Variants in LDLRAD4 observed in about 807,000 individuals in gnomAD.
The protein encoded by LDLRAD4 is low-density lipoprotein receptor class A domain-containing protein 4.
Under a neutral mutation model 17.0 loss-of-function variants are expected in LDLRAD4, and 5 were observed. The observed-to-expected ratio is 0.29, with a 90% CI of 0.15 to 0.62. LDLRAD4 has a LOEUF of 0.62. Ranked by LOEUF, LDLRAD4 falls within the 20% of genes least tolerant of loss-of-function variation. The pLI, the probability that LDLRAD4 is intolerant of heterozygous loss-of-function variation, is 0.84. For synonymous variants in LDLRAD4, 168 were observed against 171.8 expected (o/e 0.98, Z 0.17); for missense variants, 340 against 424.7 (o/e 0.80, Z 1.75).
chr18:13,276,865 A>G (rs2044906121), upstream of LDLRAD4, among the ~76,000 whole-genome samples: 1 of 152,190 alleles, frequency 6.6e-6, no homozygotes, highest in Non-Finnish European at 1.5e-5. Context: ...TCACCTTAGA[A>G]TTCTGCCCAC....
intron 1 of LDLRAD4, among the ~76,000 whole-genome samples, chr18:13,359,410 C>A (rs909123104): frequency 1.3e-5 from 2 of 152,032 alleles, no homozygotes; most frequent in African/African-American, 4.8e-5. Context: ...AACCTCAAGC[C>A]GTGGTCAGAA....
At chr18:13,474,678 T>C (rs1400980634) in intron 3 of LDLRAD4, among the ~76,000 whole-genome samples, 1 of 152,166 alleles carries the variant, frequency 6.6e-6, no homozygotes, top group Non-Finnish European at 1.5e-5. Context: ...GTGCAGATCA[T>C]GAGAGTGTCT....
intron 3 of LDLRAD4, among the ~76,000 whole-genome samples, chr18:13,494,740 A>G (rs563505889): frequency 4.2e-4 from 62 of 146,032 alleles, no homozygotes; most frequent in African/African-American, 1.5e-3. Flanking sequence ...AATAAATGAC[A>G]CAGTGGGAAT....
intron 1 of LDLRAD4, among the ~76,000 whole-genome samples, chr18:13,219,924 C>T (rs1248525077): frequency 6.6e-6 from 1 of 152,220 alleles, no homozygotes; most frequent in African/African-American, 2.4e-5. Flanking sequence ...AGTGTGTTGT[C>T]ATCTGTAACT....
chr18:13,575,186 T>C (rs1475735425), intron 3 of LDLRAD4, among the ~76,000 whole-genome samples: 1 of 152,226 alleles, frequency 6.6e-6, no homozygotes, highest in Non-Finnish European at 1.5e-5. Flanking sequence ...CCGAGCAGCC[T>C]TCACTGTACC....
intron 3 of LDLRAD4, among the ~76,000 whole-genome samples, chr18:13,458,370 A>C (rs948528415): frequency 6.6e-6 from 1 of 152,158 alleles, no homozygotes; most frequent in Non-Finnish European, 1.5e-5. Context: ...AAGGGGAATG[A>C]GTCTTCTGTG....
chr18:13,515,081 A>C (rs1287578888), intron 3 of LDLRAD4: 1 of 152,250 alleles, frequency 6.6e-6, no homozygotes, highest in Non-Finnish European at 1.5e-5. Flanking sequence ...GAAGTAACTG[A>C]ATTACATAAC....
intron 1 of LDLRAD4, among the ~76,000 whole-genome samples, chr18:13,221,910 CTGCACTGTGCCAAATGGT>C (rs1486650469): frequency 6.6e-6 from 1 of 152,160 alleles, no homozygotes; most frequent in Admixed American, 6.5e-5. Flanking sequence ...AAAAATAATG[CTGCACTGTGCCAAATGGT>C]TGACTTTTCT....
upstream of LDLRAD4, among the ~76,000 whole-genome samples, chr18:13,274,116 G>T (rs938582817): frequency 4.6e-5 from 7 of 152,164 alleles, no homozygotes; most frequent in African/African-American, 1.4e-4. Context: ...GCTTCCTCTT[G>T]AATGAACCTT....
intron 3 of LDLRAD4, among the ~76,000 whole-genome samples, chr18:13,529,028 G>T (rs1385696274): frequency 6.6e-6 from 1 of 152,246 alleles, no homozygotes; most frequent in East Asian, 1.9e-4. Context: ...AGAGACACTG[G>T]CCCAACTGAT....
At chr18:13,511,898 C>A (rs958436401) in intron 3 of LDLRAD4, among the ~76,000 whole-genome samples, 16 of 152,220 alleles carry the variant, frequency 1.1e-4, no homozygotes, top group Non-Finnish European at 1.9e-4. Flanking sequence ...AGGAAACACA[C>A]AAGAAATGTA....
chr18:13,328,377 T>A (rs758233667), intron 1 of LDLRAD4, among the ~76,000 whole-genome samples: 2 of 152,224 alleles, frequency 1.3e-5, no homozygotes, highest in Non-Finnish European at 2.9e-5. Context: ...CTCCTAGAGC[T>A]CATTGAATAT....
intron 1 of LDLRAD4, among the ~76,000 whole-genome samples, chr18:13,312,805 G>T (rs1414875131): frequency 6.6e-6 from 1 of 152,036 alleles, no homozygotes; most frequent in African/African-American, 2.4e-5. Context: ...ATAATACTAC[G>T]CATTTTTCCT....
chr18:13,450,875 C>G (rs1322183947), intron 3 of LDLRAD4, among the ~76,000 whole-genome samples: 3 of 152,066 alleles, frequency 2.0e-5, no homozygotes, highest in Non-Finnish European at 1.5e-5. Context: ...GTCATGGAAG[C>G]TTGCGGGGAG....
intron 1 of LDLRAD4, among the ~76,000 whole-genome samples, chr18:13,369,642 G>C (rs1343645665): frequency 6.6e-6 from 1 of 152,224 alleles, no homozygotes; most frequent in African/African-American, 2.4e-5. Context: ...GTTCTAAGCA[G>C]AGAAGTGATC....
chr18:13,377,021 C>T (rs1459821604), intron 1 of LDLRAD4, among the ~76,000 whole-genome samples: 2 of 152,212 alleles, frequency 1.3e-5, no homozygotes, highest in African/African-American at 4.8e-5. Flanking sequence ...CACATCCTGC[C>T]TCGCCTGGCC....
chr18:13,540,462 C>A (rs930140407), intron 3 of LDLRAD4, among the ~76,000 whole-genome samples: 5 of 148,884 alleles, frequency 3.4e-5, no homozygotes, highest in African/African-American at 7.8e-5. Flanking sequence ...CCTATATAAC[C>A]TTTTTTTCTT....
chr18:13,551,103 A>G (rs1398807807), intron 3 of LDLRAD4, among the ~76,000 whole-genome samples: 1 of 152,098 alleles, frequency 6.6e-6, no homozygotes, highest in Admixed American at 6.5e-5. Flanking sequence ...CCCTACGGCC[A>G]GTGCCACTTC....
intron 3 of LDLRAD4, among the ~76,000 whole-genome samples, chr18:13,568,630 T>C (rs1479944631): frequency 6.6e-6 from 1 of 152,188 alleles, no homozygotes; most frequent in African/African-American, 2.4e-5. Context: ...CAGGAGGAAC[T>C]GGACAAGGTT....
Sources: allele counts gnomAD v4.1 joint callset (sites outside exome capture counted in the v4.1 genomes callset), GRCh38; gene constraint gnomAD v4.1.1; transcripts MANE v1.5; gene names NCBI Gene and HGNC (gene_info 2026-07-23, HGNC 2026-07-21).